WWOX: variants seen among roughly 807,000 people sequenced by gnomAD.
WWOX encodes WW domain-containing oxidoreductase.
In WWOX, 69 loss-of-function variants were observed where a neutral mutation model predicts 46.2. The observed-to-expected ratio is 1.49, with a 90% CI of 1.23 to 1.82. WWOX has a LOEUF of 1.82. Ranked by LOEUF, WWOX falls within the 40% of genes most tolerant of loss-of-function variation. The pLI is 0.00. For missense variants in WWOX, 919 were observed against 542.6 expected (o/e 1.69, Z -6.89); for synonymous variants, 359 against 202.6 (o/e 1.77, Z -6.56).
At chr16:78,190,609 G>C (rs1208228763) in intron 5 of WWOX, among the ~76,000 whole-genome samples, 1 of 152,154 alleles carries the variant, frequency 6.6e-6, no homozygotes, top group Non-Finnish European at 1.5e-5. Context: ...GCCCCAGGTA[G>C]AGTGATTGGC....
intron 8 of WWOX, among the ~76,000 whole-genome samples, chr16:78,763,191 C>T (rs183962989): frequency 3.3e-5 from 5 of 152,326 alleles, no homozygotes; most frequent in Admixed American, 3.3e-4. Flanking sequence ...AAGCAGTTGG[C>T]GTATGGCTTG....
intron 8 of WWOX, among the ~76,000 whole-genome samples, chr16:78,446,179 G>A (rs1217798944): frequency 1.3e-5 from 2 of 152,310 alleles, no homozygotes; most frequent in South Asian, 2.1e-4. Context: ...TCAGTTTAAT[G>A]TACAATGGTG....
intron 8 of WWOX, among the ~76,000 whole-genome samples, chr16:78,905,917 C>G (rs1019286683): frequency 6.6e-6 from 1 of 152,184 alleles, no homozygotes; most frequent in Non-Finnish European, 1.5e-5. Context: ...TCCTTGGCTC[C>G]TTCCCACCTA....
chr16:78,756,326 A>G (rs932429844), intron 8 of WWOX, among the ~76,000 whole-genome samples: 4 of 151,936 alleles, frequency 2.6e-5, no homozygotes, highest in African/African-American at 9.7e-5. Context: ...GAAACAAACA[A>G]AAAAAAATCA....
At chr16:78,890,324 C>T (rs2044561906) in intron 8 of WWOX, 1 of 140,082 alleles carries the variant, frequency 7.1e-6, no homozygotes, top group Admixed American at 6.7e-5. Flanking sequence ...CTCCATCATT[C>T]TTAAATTTGA....
At chr16:78,586,303 G>A (rs1254162910) in intron 8 of WWOX, among the ~76,000 whole-genome samples, 1 of 152,152 alleles carries the variant, frequency 6.6e-6, no homozygotes, top group Non-Finnish European at 1.5e-5. Flanking sequence ...CCTTTAAAAA[G>A]AAAGAGGTTT....
At chr16:79,122,049 C>T (rs543953502) in intron 8 of WWOX, among the ~76,000 whole-genome samples, 19 of 152,272 alleles carry the variant, frequency 1.2e-4, no homozygotes, top group African/African-American at 4.3e-4. Flanking sequence ...TGATGGGTCC[C>T]AGCTGTGCAC....
chr16:78,334,255 A>G (rs2080826652), intron 5 of WWOX, among the ~76,000 whole-genome samples: 1 of 152,232 alleles, frequency 6.6e-6, no homozygotes, highest in African/African-American at 2.4e-5. Context: ...CACTTTAGTT[A>G]TTATGCTGTG....
intron 8 of WWOX, among the ~76,000 whole-genome samples, chr16:78,886,271 G>C (rs2044455963): frequency 6.8e-6 from 1 of 147,412 alleles, no homozygotes. Context: ...GTACACATTT[G>C]GTATTTTTTC....
intron 6 of WWOX, among the ~76,000 whole-genome samples, chr16:78,388,615 C>A (rs949392132): frequency 1.5e-5 from 2 of 133,604 alleles, no homozygotes; most frequent in Non-Finnish European, 3.0e-5. Context: ...CCACTGCACT[C>A]CAGCCTGGCG....
At chr16:78,561,400 A>AGAAACTCTCTCATG (rs1420484845) in intron 8 of WWOX, among the ~76,000 whole-genome samples, 8 of 152,248 alleles carry the variant, frequency 5.3e-5, no homozygotes, top group East Asian at 1.9e-4. Context: ...TCAAGGGCTC[A>AGAAACTCTCTCATG]CGTGATGAGG....
intron 5 of WWOX, among the ~76,000 whole-genome samples, chr16:78,330,277 TG>T (rs2080724038): frequency 6.6e-6 from 1 of 152,198 alleles, no homozygotes; most frequent in African/African-American, 2.4e-5. Flanking sequence ...GTGGTTAAAA[TG>T]ATAAATTTTG....
At chr16:79,163,929 T>G (rs1224422188) in intron 8 of WWOX, among the ~76,000 whole-genome samples, 1 of 149,960 alleles carries the variant, frequency 6.7e-6, no homozygotes, top group Admixed American at 6.6e-5. Flanking sequence ...GTCGAGTTGC[T>G]TCTGCCGTTT....
At chr16:78,982,021 T>A (rs2046692474) in intron 8 of WWOX, among the ~76,000 whole-genome samples, 1 of 152,154 alleles carries the variant, frequency 6.6e-6, no homozygotes, top group South Asian at 2.1e-4. Context: ...AACATCTGTC[T>A]CTAAGGGCTC....
intron 8 of WWOX, among the ~76,000 whole-genome samples, chr16:78,621,393 C>G (rs1052915886): frequency 1.3e-5 from 2 of 151,922 alleles, no homozygotes; most frequent in African/African-American, 4.8e-5. Flanking sequence ...CTCATCCTCA[C>G]CCCTTTCACC....
chr16:78,157,010 A>G (rs1043017245), intron 4 of WWOX, among the ~76,000 whole-genome samples: 4 of 152,120 alleles, frequency 2.6e-5, no homozygotes, highest in Admixed American at 2.6e-4. Flanking sequence ...AATCTGTTAA[A>G]AACGTAGCTG....
At chr16:79,123,829 T>C (rs2049692057) in intron 8 of WWOX, among the ~76,000 whole-genome samples, 1 of 152,142 alleles carries the variant, frequency 6.6e-6, no homozygotes, top group African/African-American at 2.4e-5. Context: ...TGCCATCCGA[T>C]TAGTGAATCA....
intron 8 of WWOX, chr16:79,101,614 A>G (rs915682335): frequency 1.3e-5 from 2 of 152,110 alleles, no homozygotes; most frequent in Admixed American, 6.5e-5. Flanking sequence ...TGCAGGAAGT[A>G]GTCCTCTGAA....
chr16:79,096,622 C>T (rs941629745), intron 8 of WWOX, among the ~76,000 whole-genome samples: 2 of 152,176 alleles, frequency 1.3e-5, no homozygotes, highest in Non-Finnish European at 2.9e-5. Context: ...ACCCCCTTCA[C>T]CTGCTTTATT....
Sources: allele counts gnomAD v4.1 joint callset (sites outside exome capture counted in the v4.1 genomes callset), GRCh38; gene constraint gnomAD v4.1.1; transcripts MANE v1.5; gene names NCBI Gene and HGNC (gene_info 2026-07-23, HGNC 2026-07-21).